CFAP77: variants seen among roughly 807,000 people sequenced by gnomAD.
The protein encoded by CFAP77 is cilia- and flagella-associated protein 77.
CFAP77 carries 25 observed loss-of-function variants against 31.1 expected under a neutral mutation model. The observed-to-expected ratio is 0.80, with a 90% confidence interval of 0.59 to 1.12. The LOEUF (loss-of-function observed/expected upper bound fraction) is 1.12. Among genes scored for constraint, CFAP77 ranks in the 50% most tolerant of loss-of-function variants. The pLI, the probability that CFAP77 is intolerant of heterozygous loss-of-function variation, is 0.00. For synonymous variants in CFAP77, 151 were observed against 159.9 expected, an observed-to-expected ratio of 0.94 and a Z score of 0.42; for missense variants, 377 against 397.3, an observed-to-expected ratio of 0.95 and a Z score of 0.44.
At chr9:132,441,298 C>G (rs141663082) in intron 1 of CFAP77, among the ~76,000 whole-genome samples, 2 of 152,288 alleles carry the variant, frequency 1.3e-5, no homozygotes, top group Non-Finnish European at 2.9e-5. Flanking sequence ...GCACTCAACT[C>G]TGAGTGACAA....
In CFAP77 at chr9:132,517,403, C is replaced by T. The variant is rs934568156; in HGVS notation, c.524+17803C>T. On this transcript the variant is annotated intron_variant, in intron 3 of 5. Transcript: ENST00000393216. This position sits in a 1 kb window ranked among gnomAD's most constrained non-coding sequence, Gnocchi z 4.7. ...CCGTCTTGAGTGGAATCACGTTGAA[C>T]AGACCTCGGCGCTGTCATTGATTTT... Among the ~76,000 whole-genome samples, 1 of 152,220 alleles carries T rather than the reference C, an allele frequency of 6.6e-6. No individual in the cohort carries two copies. Among genetic ancestry groups the T allele is most frequent in the African/African-American group, 2.4e-5 (1 of 41,456 alleles).
At chr9:132,531,627 G>GGGC (rs1554748484) in intron 3 of CFAP77, among the ~76,000 whole-genome samples, 3 of 144,270 alleles carry the variant, frequency 2.1e-5, no homozygotes, top group Admixed American at 6.9e-5. Flanking sequence ...CTAAGACATG[G>GGGC]GGGGGGGGGC....
chr9:132,484,415 G>T (rs1564222088), intron 1 of CFAP77, among the ~76,000 whole-genome samples: 1 of 152,180 alleles, frequency 6.6e-6, no homozygotes, highest in Admixed American at 6.5e-5. Flanking sequence ...CCCTCCAGCT[G>T]CAGGCAACCA....
chr9:132,489,390 T>TGATGTCCAGGAGAGGTGA (rs1275179044), intron 1 of CFAP77, among the ~76,000 whole-genome samples: 52 of 152,226 alleles, frequency 3.4e-4, no homozygotes, highest in African/African-American at 1.2e-3. Context: ...CTCAGAGGTG[T>TGATGTCCAGGAGAGGTGA]GATGTCCAGG....
In CFAP77 at chr9:132,475,712, G is replaced by T. The variant is rs1231814708; in HGVS notation, c.196-22983G>T. On this transcript the variant is annotated intron_variant, in intron 1 of 5. Coordinates refer to ENST00000393216, the MANE Select transcript of CFAP77 (RefSeq NM_001282957.2). The stretch of plus-strand genomic sequence containing the variant: ...CAAGCATCTTGCATTTGCCACAGAG[G>T]CCTGAGCATTGCTCTCCTAGTTCAG... Among the ~76,000 whole-genome samples, 3 of 152,164 alleles carry T rather than the reference G, an allele frequency of 2.0e-5. No homozygotes were observed. The South Asian group carries it at 6.2e-4, about 32-fold the overall frequency.
intron 1 of CFAP77, among the ~76,000 whole-genome samples, chr9:132,445,893 GA>G (rs1298569538): frequency 6.7e-6 from 1 of 150,176 alleles, no homozygotes; most frequent in Non-Finnish European, 1.5e-5. Flanking sequence ...AAGAAAGAAA[GA>G]AAAAGAAAAA....
intron 1 of CFAP77, among the ~76,000 whole-genome samples, chr9:132,434,375 C>G (rs1176126764): frequency 6.6e-6 from 1 of 151,952 alleles, no homozygotes; most frequent in Non-Finnish European, 1.5e-5. Context: ...TTTTTTCTAT[C>G]CCCAGTGCCT....
chr9:132,523,366 G>T (rs560939350), intron 3 of CFAP77, among the ~76,000 whole-genome samples: 1 of 152,332 alleles, frequency 6.6e-6, no homozygotes, highest in South Asian at 2.1e-4. Flanking sequence ...TGGGATTACA[G>T]ATATGAGCCA....
chr9:132,550,276 A>AAATC (rs1852803187), intron 5 of CFAP77, among the ~76,000 whole-genome samples: 1 of 152,220 alleles, frequency 6.6e-6, no homozygotes, highest in Non-Finnish European at 1.5e-5. Flanking sequence ...TTTTTGTTGA[A>AAATC]AATCACCAGA....
intron 5 of CFAP77, among the ~76,000 whole-genome samples, chr9:132,550,786 G>C (rs1241962690): frequency 6.6e-6 from 1 of 152,058 alleles, no homozygotes; most frequent in African/African-American, 2.4e-5. Flanking sequence ...CCCCAGCGAG[G>C]TTGGTGGGGT....
chr9:132,462,716 T>C (rs1200614680), intron 1 of CFAP77, among the ~76,000 whole-genome samples: 1 of 152,060 alleles, frequency 6.6e-6, no homozygotes, highest in Non-Finnish European at 1.5e-5. Context: ...CTCAGGAGGC[T>C]GAGGCAAGAG....
rs1589906625 is a variant in CFAP77, at chr9:132,524,868, T to C, written c.525-12733T>C. ...TTTCACAGTGTTAGCTACGATGGTC[T>C]CGATCTCCTGACCTCATGATCCTCC... On this transcript the variant is annotated intron_variant, in intron 3 of 5. Coordinates refer to ENST00000393216, the MANE Select transcript of CFAP77 (RefSeq NM_001282957.2). Among the ~76,000 whole-genome samples the C allele has an allele frequency of 1.3e-5, 2 of 148,540 alleles. 1 individual carries two copies. Among genetic ancestry groups the C allele is most frequent in the Non-Finnish European group, 3.0e-5 (2 of 66,736 alleles).
At chr9:132,493,706 G>A (rs891516060) in intron 1 of CFAP77, among the ~76,000 whole-genome samples, 5 of 152,234 alleles carry the variant, frequency 3.3e-5, no homozygotes, top group African/African-American at 7.2e-5. Context: ...GAGTTCTGCT[G>A]GTGTCTGGCT....
chr9:132,560,221 G>A (rs1428627231), intron 5 of CFAP77, among the ~76,000 whole-genome samples: 1 of 152,222 alleles, frequency 6.6e-6, no homozygotes, highest in African/African-American at 2.4e-5. Context: ...AGTTGGATGA[G>A]ATGAGTGATC....
At position 132,564,800 on chromosome 9, in the gene CFAP77, T is replaced by C. The variant is rs1417454390; in HGVS notation, c.733-7588T>C. ...TGCAAGTGGATTGGAAAAGCACAGA[T>C]GCTTTCAAATGAGTTAGAAAATGGG... On this transcript the variant is annotated intron_variant, in intron 5 of 5. Coordinates refer to ENST00000393216, the MANE Select transcript of CFAP77 (RefSeq NM_001282957.2). The surrounding 1 kb of genome is among the most constrained non-coding windows in gnomAD (Gnocchi z 4.6). 6.6e-6 allele frequency among the ~76,000 whole-genome samples: 1 copy of C among 152,180 alleles called. No homozygotes were observed. The highest frequency in any genetic ancestry group is 1.5e-5 in the Non-Finnish European group (1 of 68,038).
intron 1 of CFAP77, among the ~76,000 whole-genome samples, chr9:132,476,161 C>T (rs554609855): frequency 5.9e-5 from 9 of 152,142 alleles, no homozygotes; most frequent in Non-Finnish European, 1.3e-4. Flanking sequence ...GTAAGACTTC[C>T]CTTGTGGCGT....
intron 1 of CFAP77, among the ~76,000 whole-genome samples, chr9:132,465,616 C>A (rs891319763): frequency 2.6e-5 from 4 of 152,154 alleles, no homozygotes; most frequent in African/African-American, 9.7e-5. Context: ...CTTGGGGGAC[C>A]TCAGTGGGTG....
At chr9:132,448,880 C>G (rs1397067553) in intron 1 of CFAP77, among the ~76,000 whole-genome samples, 2 of 152,308 alleles carry the variant, frequency 1.3e-5, no homozygotes, top group South Asian at 2.1e-4. Context: ...AGCCACCATG[C>G]CTGCCTGAAG....
At chr9:132,530,894 A>G (rs994823256) in intron 3 of CFAP77, among the ~76,000 whole-genome samples, 1 of 152,132 alleles carries the variant, frequency 6.6e-6, no homozygotes. Context: ...TAGAAGTTGT[A>G]TAGTTTAATG....
Sources: gnomAD v4.1 joint callset for allele counts (sites outside exome capture counted in the v4.1 genomes callset) on GRCh38, gnomAD v4.1.1 for gene constraint, Gnocchi (gnomAD v3.1) non-coding constraint, MANE v1.5 for transcripts, NCBI Gene and HGNC (gene_info 2026-07-23, HGNC 2026-07-21) for gene names.